GALNT2: variants seen among roughly 807,000 people sequenced by gnomAD.
GALNT2 encodes polypeptide N-acetylgalactosaminyltransferase 2.
GALNT2 carries 31 observed loss-of-function variants against 81.4 expected under a neutral mutation model. The ratio of observed to expected loss-of-function variants is 0.38; its 90% CI spans 0.29 to 0.51. The LOEUF (loss-of-function observed/expected upper bound fraction) is 0.51. Among genes scored for constraint, GALNT2 ranks in the 20% least tolerant of loss-of-function variants. GALNT2 has a pLI of 0.87. For missense variants in GALNT2, 629 were observed against 765.7 expected (o/e 0.82, Z 2.11); for synonymous variants, 303 against 287.4 (o/e 1.05, Z -0.55).
chr1:230,063,786 A>C (rs1659104116), upstream of GALNT2, among the ~76,000 whole-genome samples: 2 of 151,900 alleles, frequency 1.3e-5, no homozygotes, highest in Admixed American at 6.6e-5. Context: ...TTTTTGGCCT[A>C]CTCTGTTTTG....
intron 1 of GALNT2, among the ~76,000 whole-genome samples, chr1:230,097,587 G>C (rs1374022075): frequency 6.6e-6 from 1 of 152,200 alleles, no homozygotes. Context: ...CCTTTTGAAG[G>C]CTGAGTAATA....
intron 2 of GALNT2, 146 bp downstream of exon 2, chr1:230,178,457 A>G (rs867111185): frequency 3.4e-6 from 2 of 584,286 alleles, no homozygotes; most frequent in East Asian, 2.9e-5. Flanking sequence ...TGCTTTGCCA[A>G]CTTCCATCGG....
chr1:230,118,995 G>A (rs1397586059), intron 1 of GALNT2, among the ~76,000 whole-genome samples: 3 of 152,070 alleles, frequency 2.0e-5, no homozygotes, highest in Non-Finnish European at 4.4e-5. Context: ...AAATATTTTA[G>A]TGTGTGTCTC....
chr1:230,103,711 C>A (rs927650516), intron 1 of GALNT2, among the ~76,000 whole-genome samples: 1 of 147,896 alleles, frequency 6.8e-6, no homozygotes, highest in African/African-American at 2.5e-5. Context: ...TCCAAAACCA[C>A]ACACACAAAG....
At chr1:230,224,577 A>G (rs901532860) in intron 3 of GALNT2, among the ~76,000 whole-genome samples, 2 of 152,248 alleles carry the variant, frequency 1.3e-5, no homozygotes, top group Non-Finnish European at 2.9e-5. Context: ...TTATTCCATC[A>G]AACAGTGGCT....
At chr1:230,076,153 C>T (rs1659548134) in intron 1 of GALNT2, among the ~76,000 whole-genome samples, 1 of 152,164 alleles carries the variant, frequency 6.6e-6, no homozygotes, top group African/African-American at 2.4e-5. Flanking sequence ...TACTACAGAC[C>T]TGCAGCTGCT....
chr1:230,142,813 G>A (rs181440824), intron 1 of GALNT2, among the ~76,000 whole-genome samples: 27 of 152,288 alleles, frequency 1.8e-4, no homozygotes, highest in African/African-American at 6.5e-4. Flanking sequence ...GCGTGGGAAG[G>A]CTGGGTTTTT....
At chr1:230,089,958 G>A (rs1463836151) in intron 1 of GALNT2, among the ~76,000 whole-genome samples, 1 of 151,996 alleles carries the variant, frequency 6.6e-6, no homozygotes, top group Non-Finnish European at 1.5e-5. Context: ...AATATACTGA[G>A]GAACCTCCAT....
exon 1 of GALNT2, chr1:230,058,057 C>T (rs751902548): frequency 5.5e-5 from 25 of 456,112 alleles, no homozygotes; most frequent in East Asian, 4.2e-4. Flanking sequence ...GCAAGGTGCC[C>T]GTAGCCCCTA....
intron 1 of GALNT2, among the ~76,000 whole-genome samples, chr1:230,159,546 A>G (rs1192748857): frequency 6.6e-6 from 1 of 152,108 alleles, no homozygotes; most frequent in African/African-American, 2.4e-5. Context: ...AGGGGAGGGG[A>G]CGGTCACTTT....
intron 10 of GALNT2, among the ~76,000 whole-genome samples, chr1:230,251,196 G>C (rs764904178): frequency 2.6e-5 from 4 of 152,148 alleles, no homozygotes; most frequent in Non-Finnish European, 5.9e-5. Context: ...GGTTTGGAGT[G>C]GGGGAGATCT....
intron 3 of GALNT2, among the ~76,000 whole-genome samples, chr1:230,208,472 G>A (rs976959638): frequency 6.6e-6 from 1 of 152,152 alleles, no homozygotes; most frequent in East Asian, 1.9e-4. Context: ...TTTTGTAGGT[G>A]GTGGGATATG....
chr1:230,167,332 A>C lies in GALNT2; in HGVS notation c.127-10886A>C, dbSNP rs1301283762. 2.0e-5 allele frequency among the ~76,000 whole-genome samples: 3 copies of C among 152,116 alleles called. No homozygotes were observed. The East Asian group carries it at 5.8e-4, about 29-fold the overall frequency. On this transcript the variant is annotated intron_variant, in intron 1 of 15. Coordinates refer to ENST00000366672, the MANE Select transcript of GALNT2 (RefSeq NM_004481.5). ...GGCTAATTTTTAAAATTTTTTGTAG[A>C]AGCAGGGTCTCACCACGTTGCCCAG... is the stretch of plus-strand genomic sequence containing the variant.
In GALNT2 at chr1:230,246,129, G is replaced by A. The variant is rs1665362111; in HGVS notation, c.796G>A (p.Ala266Thr). Residue 266 changes from alanine to threonine, a missense_variant, in exon 8 of 16, where the codon GCA (alanine) becomes ACA (threonine). Ala to Thr is a moderately conservative substitution (Grantham distance 58). Transcript: ENST00000366672. Reference sequence around the variant, plus strand: ...TATGGACAACTTTCAGTATGTGGGGGCATCTGCTGACTTGAAGGGCGGTAG... The same window carrying A: ...TATGGACAACTTTCAGTATGTGGGGACATCTGCTGACTTGAAGGGCGGTAG... ...INMDNFQYVG[A>T]SADLKGGFDW... is the part of the protein sequence containing the mutation. The A allele has an allele frequency of 2.5e-6, 4 of 1,613,996 alleles. No homozygotes were observed. The highest frequency in any genetic ancestry group is 3.4e-6 in the Non-Finnish European group (4 of 1,179,890).
chr1:230,274,418 C>T, intron 14 of GALNT2, 27 bp from the exon 15 acceptor site: 11 of 1,611,912 alleles, frequency 6.8e-6, no homozygotes, highest in Non-Finnish European at 9.3e-6. Context: ...GCATAGCACG[C>T]CTCTGACTTC....
chr1:230,166,348 C>G (rs1288756117), intron 1 of GALNT2, among the ~76,000 whole-genome samples: 1 of 152,228 alleles, frequency 6.6e-6, no homozygotes, highest in Non-Finnish European at 1.5e-5. Context: ...TCATGAGTTT[C>G]TTTTTCTTGG....
At chr1:230,120,127 A>T (rs896378575) in intron 1 of GALNT2, among the ~76,000 whole-genome samples, 2 of 120,020 alleles carry the variant, frequency 1.7e-5, no homozygotes, top group Non-Finnish European at 3.2e-5. Flanking sequence ...GCCACCATAC[A>T]CTGCAGTCCT....
In GALNT2 at chr1:230,243,494, A is replaced by AT; in HGVS notation, c.729+68dup. 6.3e-7 allele frequency: 1 copy of AT among 1,587,894 alleles called. No homozygotes were observed. Among genetic ancestry groups the AT allele is most frequent in the Non-Finnish European group, 8.5e-7 (1 of 1,172,142 alleles). On this transcript the variant is annotated intron_variant, in intron 7 of 15. Coordinates refer to ENST00000366672, the MANE Select transcript of GALNT2 (RefSeq NM_004481.5). The surrounding 1 kb of genome is among the most constrained non-coding windows in gnomAD (Gnocchi z 4.2). ...GTTGGTAGAGGGGACAGAAGGGAGCATGGTCCAGGGGAGGTGTAACGCAGG... is the reference window on the plus strand; with the variant it reads ...GTTGGTAGAGGGGACAGAAGGGAGCATTGGTCCAGGGGAGGTGTAACGCAGG...
At chr1:230,237,249 T>C (rs1024698278) in intron 6 of GALNT2, among the ~76,000 whole-genome samples, 2 of 152,242 alleles carry the variant, frequency 1.3e-5, no homozygotes, top group Non-Finnish European at 2.9e-5. Context: ...ACTCTTTTAT[T>C]GGCAGTTAGA....
Sources: allele counts gnomAD v4.1 joint callset (sites outside exome capture counted in the v4.1 genomes callset), GRCh38; gene constraint gnomAD v4.1.1; non-coding constraint Gnocchi (gnomAD v3.1); transcripts MANE v1.5; gene names NCBI Gene and HGNC (gene_info 2026-07-23, HGNC 2026-07-21).